Variants in ATP6V1E1 observed in about 807,000 individuals in gnomAD.
ATP6V1E1 encodes the protein V-type proton ATPase subunit E 1.
A neutral mutation model predicts 35.2 loss-of-function variants in ATP6V1E1; 21 were observed. The observed-to-expected ratio is 0.60, with a 90% CI of 0.42 to 0.86. The LOEUF (loss-of-function observed/expected upper bound fraction) is 0.86. Among genes scored for constraint, ATP6V1E1 ranks in the 40% least tolerant of loss-of-function variants. ATP6V1E1 has a pLI of 0.00. For synonymous variants in ATP6V1E1, 83 were observed against 87.8 expected (o/e 0.95, Z 0.30); for missense variants, 183 against 272.6 (o/e 0.67, Z 2.32).
At chr22:17,599,855 G>A (rs1019686876) in intron 6 of ATP6V1E1, among the ~76,000 whole-genome samples, 172 bp downstream of exon 6, 1 of 150,890 alleles carries the variant, frequency 6.6e-6, no homozygotes, top group Non-Finnish European at 1.5e-5. Flanking sequence ...AACCCGGCAG[G>A]CAGAGGTTAC....
chr22:17,604,526 C>CTTT (rs66549570), intron 4 of ATP6V1E1, among the ~76,000 whole-genome samples: 3 of 144,874 alleles, frequency 2.1e-5, no homozygotes, highest in Non-Finnish European at 3.0e-5. Flanking sequence ...TTTGTTTTCT[C>CTTT]TTTTTTTTTT....
Position 17,601,080 on chromosome 22 carries a change from CTA to C in ATP6V1E1, c.366+10_366+11del, listed in dbSNP as rs1246031962. 1.2e-6 allele frequency: 2 copies of C among 1,609,476 alleles called. No homozygotes were observed. The highest frequency in any genetic ancestry group is 1.7e-6 in the Non-Finnish European group (2 of 1,177,500). ...TGTGGCTATCAACAGTAGATCTGGT[CTA>C]TGAGGGTACCTGGAGAACCAGTCCA... On this transcript the variant is annotated intron_variant, in intron 5 of 8. Transcript: ENST00000253413.
At chr22:17,600,969 A>AT in intron 5 of ATP6V1E1, 123 bp downstream of exon 5, 1 of 775,426 alleles carries the variant, frequency 1.3e-6, no homozygotes, top group African/African-American at 1.7e-5. Flanking sequence ...AGAAAAAAAA[A>AT]GGGTGAAAGG....
intron 8 of ATP6V1E1, among the ~76,000 whole-genome samples, chr22:17,594,233 C>T (rs940452547): frequency 6.6e-6 from 1 of 152,092 alleles, no homozygotes; most frequent in Non-Finnish European, 1.5e-5. Flanking sequence ...CAAGTATTTG[C>T]TTTAGTTCCC....
At chr22:17,619,211 G>C in intron 2 of ATP6V1E1, 2 of 496,884 alleles carry the variant, frequency 4.0e-6, no homozygotes, top group Admixed American at 6.4e-5. Flanking sequence ...AGAATCACTT[G>C]AACCTGGGAG....
intron 2 of ATP6V1E1, among the ~76,000 whole-genome samples, chr22:17,613,672 G>C (rs2057826731): frequency 1.3e-5 from 2 of 151,800 alleles, no homozygotes; most frequent in African/African-American, 4.8e-5. Flanking sequence ...GAACTTGAAA[G>C]TTTAGAAGAT....
intron 1 of ATP6V1E1, 43 bp downstream of exon 1, chr22:17,628,560 G>T (rs752004082): frequency 1.2e-6 from 2 of 1,613,670 alleles, no homozygotes; most frequent in South Asian, 1.1e-5. Flanking sequence ...CCACTCCCCG[G>T]GACTGCCGCC....
chr22:17,606,597 T>C (rs894239784), intron 4 of ATP6V1E1, among the ~76,000 whole-genome samples: 3 of 152,200 alleles, frequency 2.0e-5, no homozygotes, highest in Non-Finnish European at 4.4e-5. Context: ...TATACTGAAT[T>C]CAAGTTGCAT....
At chr22:17,615,959 G>T (rs1262441990) in intron 2 of ATP6V1E1, among the ~76,000 whole-genome samples, 1 of 151,858 alleles carries the variant, frequency 6.6e-6, no homozygotes, top group Non-Finnish European at 1.5e-5. Flanking sequence ...TTGAACCTGG[G>T]AGGCAGAGGT....
chr22:17,609,852 T>A (rs114213670), intron 4 of ATP6V1E1, among the ~76,000 whole-genome samples: 7 of 152,164 alleles, frequency 4.6e-5, no homozygotes, highest in African/African-American at 1.7e-4. Flanking sequence ...GTAAAATAAC[T>A]GTATGAATAT....
chr22:17,614,972 T>G (rs1422032773), intron 2 of ATP6V1E1, among the ~76,000 whole-genome samples: 1 of 151,072 alleles, frequency 6.6e-6, no homozygotes, highest in African/African-American at 2.4e-5. Flanking sequence ...AAAAAAATTT[T>G]TTTTCCCTCA....
intron 2 of ATP6V1E1, among the ~76,000 whole-genome samples, chr22:17,614,506 C>T (rs1325538762): frequency 3.3e-5 from 5 of 150,076 alleles, no homozygotes; most frequent in African/African-American, 7.4e-5. Flanking sequence ...AAAATACACA[C>T]ACACACACAC....
At position 17,592,581 on chromosome 22, in the gene ATP6V1E1, G is replaced by A. The variant is rs1030061265; in HGVS notation, c.*93C>T. On this transcript the variant is annotated 3_prime_UTR_variant, in exon 9 of 9. Transcript: ENST00000253413. ...TACAGAGCAATACTGGGGCAGTGAAGAGGAAGCTACAGAGACATTCGTGTT... is the reference window on the plus strand; with the variant it reads ...TACAGAGCAATACTGGGGCAGTGAAAAGGAAGCTACAGAGACATTCGTGTT... 1 of 1,306,790 alleles carries A rather than the reference G, an allele frequency of 7.7e-7. No individual in the cohort carries two copies. The highest frequency in any genetic ancestry group is 2.3e-5 in the East Asian group (1 of 43,378). The allele number at this position is 1,306,790 out of a possible 1,614,324, so 80.9% of individuals were successfully genotyped here. A position where few individuals can be genotyped will look rare whatever the true frequency, so the allele number is the denominator to read the frequency against.
chr22:17,610,903 A>T (rs1254036436), intron 4 of ATP6V1E1, among the ~76,000 whole-genome samples: 1 of 152,244 alleles, frequency 6.6e-6, no homozygotes, highest in Non-Finnish European at 1.5e-5. Flanking sequence ...CAAATGTTAC[A>T]TGCCAGAGGA....
At chr22:17,599,986 G>T in intron 6 of ATP6V1E1, 41 bp downstream of exon 6, 3 of 1,249,014 alleles carry the variant, frequency 2.4e-6, no homozygotes, top group Non-Finnish European at 3.3e-6. Context: ...AGAAAGGGAG[G>T]GGGGAGGGAG....
intron 4 of ATP6V1E1, among the ~76,000 whole-genome samples, chr22:17,602,006 G>T (rs955169525): frequency 6.6e-6 from 1 of 152,170 alleles, no homozygotes; most frequent in Non-Finnish European, 1.5e-5. Context: ...CCAGGCTCAA[G>T]TGATCTTCCC....
At chr22:17,594,817 TC>T in intron 7 of ATP6V1E1, 1 of 407,070 alleles carries the variant, frequency 2.5e-6, no homozygotes, top group Non-Finnish European at 4.4e-6. Flanking sequence ...CGCCTAGATG[TC>T]CATTATATGA....
intron 7 of ATP6V1E1, chr22:17,595,070 T>C (rs1403904297): frequency 1.3e-5 from 2 of 152,272 alleles, no homozygotes; most frequent in Admixed American, 1.3e-4. Context: ...TTTGTTTTTT[T>C]TGAGACTCGC....
chr22:17,613,080 G>A, intron 3 of ATP6V1E1, 131 bp downstream of exon 3: 1 of 901,574 alleles, frequency 1.1e-6, no homozygotes, highest in Non-Finnish European at 1.7e-6. Flanking sequence ...AGAAAGAGAA[G>A]TTAAACAATT....
Sources: gnomAD v4.1 joint callset for allele counts (sites outside exome capture counted in the v4.1 genomes callset) on GRCh38, gnomAD v4.1.1 for gene constraint, MANE v1.5 for transcripts, NCBI Gene and HGNC (gene_info 2026-07-23, HGNC 2026-07-21) for gene names.